Variants in ARB2A observed in about 807,000 individuals in gnomAD.
The protein encoded by ARB2A is cotranscriptional regulator ARB2A.
the ARB2A span, chr5:93,881,424 A>G: frequency 7.2e-7 from 1 of 1,380,892 alleles, no homozygotes. Context: ...AATAAAATAT[A>G]TACAAGGTAA....
the ARB2A span, among the ~76,000 whole-genome samples, chr5:93,996,889 T>A: frequency 6.6e-6 from 1 of 152,082 alleles, no homozygotes; most frequent in Admixed American, 6.6e-5. Context: ...CATTGCTTAA[T>A]GTGAAGTGTA....
chr5:93,986,323 TG>T, the ARB2A span, among the ~76,000 whole-genome samples: 1 of 148,234 alleles, frequency 6.7e-6, no homozygotes. Flanking sequence ...ATCTGGGAGG[TG>T]GGGGGCGCCC....
the ARB2A span, among the ~76,000 whole-genome samples, chr5:94,110,963 A>C: frequency 6.6e-6 from 1 of 152,178 alleles, no homozygotes; most frequent in Non-Finnish European, 1.5e-5. Context: ...GAAAGAGAAG[A>C]CTGCTTCCAA....
the ARB2A span, among the ~76,000 whole-genome samples, chr5:94,058,650 C>T: frequency 6.6e-6 from 1 of 151,940 alleles, no homozygotes; most frequent in Non-Finnish European, 1.5e-5. Context: ...CAGAATTATC[C>T]AAAATGAAGC....
At chr5:93,793,239 A>ATTT in the ARB2A span, among the ~76,000 whole-genome samples, 1 of 64,776 alleles carries the variant, frequency 1.5e-5, no homozygotes, top group Non-Finnish European at 2.9e-5. Context: ...CTTCTGGCTA[A>ATTT]TTTTTTTTTT....
At chr5:93,622,556 G>C in the ARB2A span, among the ~76,000 whole-genome samples, 1 of 152,194 alleles carries the variant, frequency 6.6e-6, no homozygotes, top group East Asian at 1.9e-4. Flanking sequence ...GCCTGACTTA[G>C]CTGTGGGAGC....
At chr5:94,005,502 C>T in the ARB2A span, among the ~76,000 whole-genome samples, 7 of 152,264 alleles carry the variant, frequency 4.6e-5, no homozygotes, top group African/African-American at 1.4e-4. Flanking sequence ...ACCACCACAC[C>T]TGGCCCACTC....
chr5:93,862,931 A>C, the ARB2A span: 1 of 152,182 alleles, frequency 6.6e-6, no homozygotes, highest in Non-Finnish European at 1.5e-5. Flanking sequence ...GCTAATTTTT[A>C]GAATTATATT....
At chr5:93,832,534 A>T in the ARB2A span, among the ~76,000 whole-genome samples, 1 of 152,312 alleles carries the variant, frequency 6.6e-6, no homozygotes, top group East Asian at 1.9e-4. Context: ...TTCAGTTATA[A>T]GTCATTCATT....
the ARB2A span, among the ~76,000 whole-genome samples, chr5:93,760,743 AAATC>A: frequency 2.0e-5 from 3 of 152,228 alleles, no homozygotes; most frequent in East Asian, 5.8e-4. Flanking sequence ...CCTTATACAA[AAATC>A]AACTTAAGAT....
At chr5:93,801,235 A>T in the ARB2A span, among the ~76,000 whole-genome samples, 1 of 152,140 alleles carries the variant, frequency 6.6e-6, no homozygotes, top group Non-Finnish European at 1.5e-5. Context: ...TTTCCAATGG[A>T]AGAAAAAGTT....
the ARB2A span, among the ~76,000 whole-genome samples, chr5:93,897,751 T>G: frequency 1.3e-5 from 2 of 151,856 alleles, no homozygotes; most frequent in Admixed American, 1.3e-4. Context: ...GAGAGACTAC[T>G]TGCTTTTCTG....
the ARB2A span, among the ~76,000 whole-genome samples, chr5:94,004,998 CAAAA>C: frequency 0.032 from 399 of 12,360 alleles, no homozygotes; most frequent in Non-Finnish European, 0.057. Flanking sequence ...ATTTTATCAG[CAAAA>C]AAAAAAAAAA....
chr5:94,111,262 A>G, the ARB2A span, among the ~76,000 whole-genome samples: 7 of 152,068 alleles, frequency 4.6e-5, no homozygotes, highest in African/African-American at 9.7e-5. Context: ...ACGCCCCGAC[A>G]TAAGGAAAGT....
the ARB2A span, among the ~76,000 whole-genome samples, chr5:93,945,463 G>T: frequency 6.6e-6 from 1 of 151,410 alleles, no homozygotes; most frequent in African/African-American, 2.4e-5. Context: ...CTAGACTATG[G>T]GACATTAAAG....
At chr5:94,110,674 G>A in the ARB2A span, among the ~76,000 whole-genome samples, 1 of 152,190 alleles carries the variant, frequency 6.6e-6, no homozygotes, top group Admixed American at 6.5e-5. Context: ...CCTTATCAAT[G>A]AGATATTTGT....
the ARB2A span, among the ~76,000 whole-genome samples, chr5:94,091,057 G>C: frequency 6.6e-6 from 1 of 152,168 alleles, no homozygotes; most frequent in East Asian, 1.9e-4. Context: ...TGACCTGACT[G>C]AAGTCTTTCT....
chr5:93,697,061 C>CAAAAAA, the ARB2A span, among the ~76,000 whole-genome samples: 1 of 78,266 alleles, frequency 1.3e-5, no homozygotes, highest in Non-Finnish European at 2.6e-5. Context: ...GACTCCATCT[C>CAAAAAA]AAAAAAAAAA....
At chr5:93,989,048 A>C in the ARB2A span, among the ~76,000 whole-genome samples, 2 of 152,196 alleles carry the variant, frequency 1.3e-5, no homozygotes, top group African/African-American at 4.8e-5. Flanking sequence ...TATTAGTAAC[A>C]TATACTAGCA....
Sources: allele counts gnomAD v4.1 joint callset (sites outside exome capture counted in the v4.1 genomes callset), GRCh38; gene constraint gnomAD v4.1.1; transcripts MANE v1.5; gene names NCBI Gene and HGNC (gene_info 2026-07-23, HGNC 2026-07-21).